The following MGST1 variants were observed in gnomAD, a reference collection of about 807,000 sequenced individuals.
MGST1 encodes glutathione S-transferase 12.
MGST1 carries 5 observed loss-of-function variants against 8.9 expected under a neutral mutation model. That is an observed-to-expected ratio of 0.56 (90% CI 0.29 to 1.19). MGST1 has a LOEUF of 1.19. Ranked by LOEUF, MGST1 falls within the 50% of genes most tolerant of loss-of-function variation. The pLI is 0.08. For missense variants in MGST1, 182 were observed against 187.4 expected (o/e 0.97, Z 0.17); for synonymous variants, 54 against 67.8 (o/e 0.80, Z 1.00).
intron 4 of MGST1, among the ~76,000 whole-genome samples, chr12:16,580,530 G>A (rs1943127237): frequency 6.6e-6 from 1 of 152,166 alleles, no homozygotes; most frequent in East Asian, 1.9e-4. Flanking sequence ...ACCTTTGGAG[G>A]ACTTTTCTGG....
chr12:16,551,611 C>A (rs1465002311), intron 4 of MGST1, among the ~76,000 whole-genome samples: 1 of 147,862 alleles, frequency 6.8e-6, no homozygotes. Flanking sequence ...TTTTTTAAAC[C>A]ACACTGGAAA....
chr12:16,441,182 T>C (rs952302423), downstream of MGST1, among the ~76,000 whole-genome samples: 2 of 151,794 alleles, frequency 1.3e-5, no homozygotes, highest in African/African-American at 2.4e-5. Context: ...TTACTTTATT[T>C]TTTAGAGCAG....
rs796232662 is a variant in MGST1 at position 16,362,774 on chromosome 12, C to T, written c.222-1021C>T. On this transcript the variant is annotated intron_variant, in intron 3 of 3. Coordinates refer to ENST00000396210, the MANE Select transcript of MGST1 (RefSeq NM_020300.5). The surrounding 1 kb of genome is among the most constrained non-coding windows in gnomAD (Gnocchi z 4.4). ...ACCAGCCTGGGCAACATAGCAAGAC[C>T]CCATCTCTAAAAAGAAAATTTAAAA... is the stretch of plus-strand genomic sequence containing the variant. 12 of 152,102 alleles carry T rather than the reference C, an allele frequency of 7.9e-5. No individual in the cohort carries two copies. Among genetic ancestry groups the T allele is most frequent in the African/African-American group, 2.7e-4 (11 of 41,418 alleles). 9.4% of individuals were successfully genotyped at this position (152,102 alleles called of 1,614,324 possible). A position where few individuals can be genotyped will look rare whatever the true frequency, so the allele number is the denominator to read the frequency against.
intron 1 of MGST1, among the ~76,000 whole-genome samples, chr12:16,398,921 A>G (rs570898047): frequency 6.6e-6 from 1 of 152,224 alleles, no homozygotes; most frequent in Non-Finnish European, 1.5e-5. Context: ...ACCTTGTACC[A>G]CTGTCTTGGA....
chr12:16,368,768 G>T (rs923132424), downstream of MGST1, among the ~76,000 whole-genome samples: 1 of 152,092 alleles, frequency 6.6e-6, no homozygotes, highest in Non-Finnish European at 1.5e-5. Context: ...AGAAAGCCCT[G>T]ACAGCCCTGC....
downstream of MGST1, among the ~76,000 whole-genome samples, chr12:16,380,028 T>G (rs1441111285): frequency 6.6e-6 from 1 of 152,230 alleles, no homozygotes; most frequent in Non-Finnish European, 1.5e-5. Flanking sequence ...TCTATTTGAT[T>G]CTTTTTTCTT....
At chr12:16,489,819 T>C (rs542033096) in intron 4 of MGST1, among the ~76,000 whole-genome samples, 111 of 152,288 alleles carry the variant, frequency 7.3e-4, no homozygotes, top group African/African-American at 2.6e-3. Flanking sequence ...GCCCAGTTAT[T>C]TTCTACCGCC....
At chr12:16,534,538 C>A (rs1414162031) in intron 4 of MGST1, among the ~76,000 whole-genome samples, 2 of 152,074 alleles carry the variant, frequency 1.3e-5, no homozygotes, top group Non-Finnish European at 2.9e-5. Flanking sequence ...TAAATGTTCC[C>A]TTATGTATTG....
intron 3 of MGST1, among the ~76,000 whole-genome samples, chr12:16,360,602 C>A (rs1939943557): frequency 6.6e-6 from 1 of 151,996 alleles, no homozygotes; most frequent in Admixed American, 6.6e-5. Flanking sequence ...CATATACATT[C>A]AACACAAAAA....
intron 4 of MGST1, among the ~76,000 whole-genome samples, chr12:16,504,520 C>A (rs565298582): frequency 6.6e-6 from 1 of 152,232 alleles, no homozygotes; most frequent in South Asian, 2.1e-4. Flanking sequence ...AAACTTCTAC[C>A]CTTTCTGATA....
intron 1 of MGST1, among the ~76,000 whole-genome samples, chr12:16,415,537 G>A (rs1940780893): frequency 6.6e-6 from 1 of 152,114 alleles, no homozygotes; most frequent in Admixed American, 6.6e-5. Flanking sequence ...CCTTTGCAGT[G>A]ACCCACTTCT....
chr12:16,486,102 A>C lies in MGST1; in HGVS notation n.482+102498A>C, dbSNP rs1339995904. ...CTGCTCTTATTCAGGCCTTTGCCCA[A>C]ATGGGACCTCGCTGAGGCCTTTCCT... On this transcript the variant is annotated intron_variant and non_coding_transcript_variant, in intron 4 of 4. Transcript: ENST00000538857. Among the ~76,000 whole-genome samples, 4 of 152,148 alleles carry C rather than the reference A, an allele frequency of 2.6e-5. No homozygotes were observed. In the East Asian group the frequency reaches 7.7e-4, roughly 29 times the overall value.
rs1001265809 is a variant in MGST1, at chr12:16,462,936, C to G, written n.482+79332C>G. On this transcript the variant is annotated intron_variant and non_coding_transcript_variant, in intron 4 of 4. Coordinates refer to the MGST1 transcript ENST00000538857. ...TGCTATTCTTTCACTTCCTTTGTGA[C>G]TGATAACTTTGGCAAATCTGATATA... Among the ~76,000 whole-genome samples, 31 of 152,142 alleles carry G rather than the reference C, an allele frequency of 2.0e-4. 1 individual carries two copies. Among genetic ancestry groups the G allele is most frequent in the Non-Finnish European group, 4.3e-4 (29 of 68,026 alleles).
At chr12:16,520,647 C>A (rs1941642485) in intron 4 of MGST1, among the ~76,000 whole-genome samples, 1 of 152,078 alleles carries the variant, frequency 6.6e-6, no homozygotes, top group Non-Finnish European at 1.5e-5. Flanking sequence ...TCTGTCTCTC[C>A]TCTCCCTCCC....
At chr12:16,369,379 T>C (rs1424524726), downstream of MGST1, among the ~76,000 whole-genome samples, 2 of 152,166 alleles carry the variant, frequency 1.3e-5, no homozygotes, top group Non-Finnish European at 2.9e-5. This position sits in a 1 kb window ranked among gnomAD's most constrained non-coding sequence, Gnocchi z 4.8. Context: ...ATGTGTTTGC[T>C]GTAAGTTACA....
At chr12:16,498,093 TATC>T (rs1489033726) in intron 4 of MGST1, among the ~76,000 whole-genome samples, 2 of 152,186 alleles carry the variant, frequency 1.3e-5, no homozygotes, top group Non-Finnish European at 2.9e-5. Context: ...CATCATAACA[TATC>T]ATTGTGAAGG....
intron 2 of MGST1, 82 bp from the exon 3 acceptor site, chr12:16,357,523 C>T (rs1939774335): frequency 9.4e-6 from 10 of 1,063,244 alleles, no homozygotes; most frequent in Admixed American, 4.5e-5. Context: ...GCCTCAGCCT[C>T]ACAAAGCGCT....
chr12:16,449,431 G>A (rs1308694695), intron 4 of MGST1, among the ~76,000 whole-genome samples: 2 of 151,832 alleles, frequency 1.3e-5, no homozygotes, highest in Admixed American at 1.3e-4. Flanking sequence ...CCAACACTGG[G>A]CATTACACTT....
chr12:16,571,550 C>T (rs1942812421), intron 4 of MGST1, among the ~76,000 whole-genome samples: 1 of 151,928 alleles, frequency 6.6e-6, no homozygotes, highest in Admixed American at 6.6e-5. Context: ...TGGATATAAA[C>T]CTGTTGCCTA....
Sources: gnomAD v4.1 joint callset for allele counts (sites outside exome capture counted in the v4.1 genomes callset) on GRCh38, gnomAD v4.1.1 for gene constraint, Gnocchi (gnomAD v3.1) non-coding constraint, MANE v1.5 for transcripts, NCBI Gene and HGNC (gene_info 2026-07-23, HGNC 2026-07-21) for gene names.